Variants in ST3GAL5 observed in about 807,000 individuals in gnomAD.
The protein encoded by ST3GAL5 is lactosylceramide alpha-2,3-sialyltransferase.
In ST3GAL5, 25 loss-of-function variants were observed where a neutral mutation model predicts 46.1. That is an observed-to-expected ratio of 0.54 (90% confidence interval 0.40 to 0.76). The LOEUF is 0.76. ST3GAL5 is among the 30% of genes least tolerant of loss of function. The pLI is 0.00. For missense variants in ST3GAL5, 431 were observed against 521.2 expected (o/e 0.83, Z 1.69); for synonymous variants, 182 against 192.7 (o/e 0.94, Z 0.46).
chr2:85,862,947 C>T (rs1470739564), intron 2 of ST3GAL5, among the ~76,000 whole-genome samples: 2 of 152,168 alleles, frequency 1.3e-5, no homozygotes, highest in East Asian at 1.9e-4. Flanking sequence ...GGCTCAAACA[C>T]CTGTCATCAT....
intron 3 of ST3GAL5, chr2:85,854,046 T>G (rs181747631): frequency 6.6e-6 from 1 of 152,048 alleles, no homozygotes; most frequent in East Asian, 1.9e-4. Flanking sequence ...ACTCACGGAG[T>G]TTTACAAACA....
intron 1 of ST3GAL5, among the ~76,000 whole-genome samples, chr2:85,873,864 C>T (rs962492816): frequency 1.3e-5 from 2 of 152,196 alleles, no homozygotes; most frequent in African/African-American, 2.4e-5. Context: ...GAATGTCCCC[C>T]CTGGTGGTAG....
At chr2:85,882,043 C>T (rs1053031724) in intron 1 of ST3GAL5, among the ~76,000 whole-genome samples, 2 of 152,204 alleles carry the variant, frequency 1.3e-5, no homozygotes, top group East Asian at 1.9e-4. Context: ...CCACTCCAGC[C>T]GTGGCTGAAA....
Position 85,848,067 on chromosome 2 carries a change from A to C in ST3GAL5, c.456T>G (p.Ser152Arg). 1 of 1,614,160 alleles carries C rather than the reference A, an allele frequency of 6.2e-7. No individual in the cohort carries two copies. The highest frequency in any genetic ancestry group is 8.5e-7 in the Non-Finnish European group (1 of 1,180,034). ...GAGGATCGTACTTGGACTCAGCTTC[A>C]CTGTCTTTGGGGGCCTTCTGCACAA... ...LPFVQKAPKD[S>R]EAESKYDPPF... Residue 152 changes from serine to arginine, a missense_variant, in exon 4 of 7, where the codon AGT becomes AGG. Transcript: ENST00000638572.
chr2:85,887,175 A>G (rs1687853886), intron 1 of ST3GAL5, among the ~76,000 whole-genome samples: 1 of 152,238 alleles, frequency 6.6e-6, no homozygotes, highest in South Asian at 2.1e-4. Context: ...TAGTCCCACA[A>G]GGCAAGCAGG....
intron 2 of ST3GAL5, among the ~76,000 whole-genome samples, chr2:85,861,515 C>CT (rs1057104913): frequency 6.6e-6 from 1 of 151,906 alleles, no homozygotes; most frequent in Non-Finnish European, 1.5e-5. Flanking sequence ...ACAGAAAAAA[C>CT]TTTTTTTGCA....
At chr2:85,865,071 A>C (rs923264898) in intron 1 of ST3GAL5, among the ~76,000 whole-genome samples, 6 of 152,244 alleles carry the variant, frequency 3.9e-5, no homozygotes, top group Non-Finnish European at 7.3e-5. Flanking sequence ...ACAATCCCAT[A>C]GGGCAGAGAG....
At chr2:85,855,186 G>A (rs1683963685) in intron 3 of ST3GAL5, 2 of 152,324 alleles carry the variant, frequency 1.3e-5, no homozygotes, top group South Asian at 4.1e-4. Context: ...TGAATCATGG[G>A]GGCAGGTCTT....
intron 6 of ST3GAL5, 53 bp downstream of exon 6, chr2:85,844,343 A>G: frequency 1.2e-6 from 2 of 1,612,610 alleles, no homozygotes; most frequent in Admixed American, 3.3e-5. Context: ...TGAAATTTGT[A>G]CACATCGCCC....
At chr2:85,847,819 A>G in intron 4 of ST3GAL5, 42 bp downstream of exon 4, 1 of 1,606,080 alleles carries the variant, frequency 6.2e-7, no homozygotes, top group East Asian at 2.2e-5. Flanking sequence ...AAATAAAAAC[A>G]ATAAAAATAA....
In ST3GAL5 at chr2:85,851,411, T is replaced by G. The variant is rs192518705; in HGVS notation, c.319-3207A>C. 11 of 1,197,594 alleles carry G rather than the reference T, an allele frequency of 9.2e-6. No individual in the cohort carries two copies. In the East Asian group the frequency reaches 5.8e-4, roughly 63 times the overall value. 74.2% of individuals were successfully genotyped at this position (1,197,594 alleles called of 1,614,324 possible). ...ACTCGTTTAACAGATCTCCACTGAT[T>G]GCCTGGAGACAGGGCTTTTTCTGTA... On this transcript the variant is annotated intron_variant, in intron 3 of 6. Coordinates refer to ENST00000638572, the MANE Select transcript of ST3GAL5 (RefSeq NM_003896.4).
At chr2:85,874,617 A>G (rs957377003) in intron 1 of ST3GAL5, among the ~76,000 whole-genome samples, 40 of 152,016 alleles carry the variant, frequency 2.6e-4, no homozygotes, top group Non-Finnish European at 5.7e-4. Flanking sequence ...ATTCATTGCC[A>G]CTGATACATA....
intron 1 of ST3GAL5, among the ~76,000 whole-genome samples, chr2:85,884,236 TG>T (rs764211582): frequency 1.1e-4 from 16 of 152,180 alleles, no homozygotes; most frequent in Non-Finnish European, 1.6e-4. Flanking sequence ...GAGAATAAAG[TG>T]AGTAGGAAAG....
At chr2:85,873,765 G>A (rs1686207463) in intron 1 of ST3GAL5, among the ~76,000 whole-genome samples, 1 of 152,160 alleles carries the variant, frequency 6.6e-6, no homozygotes. Context: ...GACCTTAGCT[G>A]GAGCATCAGG....
chr2:85,863,852 C>T (rs914157350), intron 1 of ST3GAL5, among the ~76,000 whole-genome samples: 3 of 152,090 alleles, frequency 2.0e-5, no homozygotes, highest in South Asian at 2.1e-4. Context: ...GGATTACAGG[C>T]GCATGCCACC....
chr2:85,851,563 G>A (rs1275778419), intron 3 of ST3GAL5: 10 of 1,289,240 alleles, frequency 7.8e-6, no homozygotes, highest in Non-Finnish European at 9.1e-6. Context: ...ATTGTCTTGG[G>A]GGCTTCCTCA....
chr2:85,846,426 T>C lies in ST3GAL5; in HGVS notation c.800A>G (p.Lys267Arg). The change falls in exon 5 of 7, where the codon AAG becomes AGG. Residue 267 changes from lysine (K) to arginine (R), a missense_variant. Transcript: ENST00000638572. ...SNDLFVAVLF[K>R]SVDFNWLQAM... ...TTGAAGCCAGTTGAAATCAACACTC[T>C]TAAATAAAACAGCAACAAATAAGTC... 6.2e-7 allele frequency: 1 copy of C among 1,614,232 alleles called. No homozygotes were observed. Among genetic ancestry groups the C allele is most frequent in the East Asian group, 2.2e-5 (1 of 44,890 alleles).
At chr2:85,855,860 C>T (rs1369067369) in intron 3 of ST3GAL5, 1 of 152,206 alleles carries the variant, frequency 6.6e-6, no homozygotes, top group African/African-American at 2.4e-5. Flanking sequence ...TGCTCAGCAT[C>T]ATTAGCTATC....
intron 1 of ST3GAL5, 36 bp downstream of exon 1, chr2:85,888,788 C>G: frequency 1.7e-6 from 2 of 1,183,404 alleles, no homozygotes; most frequent in Non-Finnish European, 2.1e-6. Flanking sequence ...AGCCCGCGGG[C>G]CCCCGCGACG....
Sources: allele counts gnomAD v4.1 joint callset (sites outside exome capture counted in the v4.1 genomes callset), GRCh38; gene constraint gnomAD v4.1.1; transcripts MANE v1.5; gene names NCBI Gene and HGNC (gene_info 2026-07-23, HGNC 2026-07-21).